The following AXDND1 variants were observed in gnomAD, a reference collection of about 807,000 sequenced individuals.
AXDND1 encodes axonemal dynein light chain domain-containing protein 1.
Under a neutral mutation model 137.5 loss-of-function variants are expected in AXDND1, and 110 were observed. The observed-to-expected ratio is 0.80, with a 90% CI of 0.69 to 0.94. AXDND1 has a LOEUF of 0.94. AXDND1 is among the 40% of genes least tolerant of loss of function. The pLI is 0.00. For synonymous variants in AXDND1, 414 were observed against 399.7 expected (o/e 1.04, Z -0.43); for missense variants, 1,191 against 1,169.8 (o/e 1.02, Z -0.26).
At chr1:179,368,205 G>A (rs1290562490) in intron 2 of AXDND1, among the ~76,000 whole-genome samples, 2 of 152,040 alleles carry the variant, frequency 1.3e-5, no homozygotes, top group African/African-American at 4.8e-5. Context: ...TTACTCCCCT[G>A]CCCTAGTCAA....
At position 179,421,080 on chromosome 1, in the gene AXDND1, CCTTCCTTCCTTCCTTT is replaced by C. The variant is rs1655630596; in HGVS notation, c.1231-8429_1231-8414del. Reference sequence around the variant, plus strand: ...TCCTTCCTTCCTTCCTTCCTTCCTTCCTTCCTTCCTTCCTTTCTTCCTTCTTTGTCAAAGATGGTTG... The same window carrying C: ...TCCTTCCTTCCTTCCTTCCTTCCTTCCTTCCTTCTTTGTCAAAGATGGTTG... On this transcript the variant is annotated intron_variant, in intron 12 of 25. Transcript: ENST00000367618. Among the ~76,000 whole-genome samples, 3 of 120,490 alleles carry C rather than the reference CCTTCCTTCCTTCCTTT, an allele frequency of 2.5e-5. No individual in the cohort carries two copies. In the South Asian group the frequency reaches 9.1e-4, roughly 37 times the overall value. The allele number at this position is 120,490 out of a possible 152,430, so 79.0% of individuals were successfully genotyped here.
chr1:179,457,140 C>T (rs1369976455), intron 16 of AXDND1: 3 of 900,800 alleles, frequency 3.3e-6, no homozygotes, highest in Admixed American at 1.7e-5. Context: ...TCCACCTTCT[C>T]CGCAGTGGCA....
chr1:179,404,545 T>A (rs55637213), intron 11 of AXDND1, among the ~76,000 whole-genome samples: 16,082 of 152,094 alleles, frequency 0.11, 970 homozygotes, highest in African/African-American at 0.14. Context: ...TTGTCACAAA[T>A]CTCCAAAAAA....
At chr1:179,500,103 A>G (rs1340293718) in intron 20 of AXDND1, among the ~76,000 whole-genome samples, 3 of 152,136 alleles carry the variant, frequency 2.0e-5, no homozygotes, top group Admixed American at 6.6e-5. Flanking sequence ...GGGAAATTAT[A>G]GACCAGTCTC....
chr1:179,486,074 G>A (rs942213362), intron 18 of AXDND1, among the ~76,000 whole-genome samples: 14 of 135,946 alleles, frequency 1.0e-4, no homozygotes, highest in Non-Finnish European at 2.0e-4. Context: ...AGCCAAGATC[G>A]TGCCATTGCA....
chr1:179,372,228 C>T (rs1175993931), intron 4 of AXDND1, among the ~76,000 whole-genome samples: 2 of 152,080 alleles, frequency 1.3e-5, no homozygotes, highest in Admixed American at 6.6e-5. Flanking sequence ...TAATATTTTT[C>T]GACAACTCTT....
At chr1:179,418,613 G>C (rs1292880614) in intron 12 of AXDND1, among the ~76,000 whole-genome samples, 4 of 151,226 alleles carry the variant, frequency 2.6e-5, no homozygotes, top group Non-Finnish European at 5.9e-5. Context: ...CTGGCCGGGC[G>C]GGGGGCTGAC....
chr1:179,533,772 A>G (rs775648694), intron 23 of AXDND1, 23 bp from the exon 24 acceptor site: 1 of 1,554,688 alleles, frequency 6.4e-7, no homozygotes, highest in Non-Finnish European at 8.9e-7. Flanking sequence ...CAGTTCATTC[A>G]TATCTCATAT....
At chr1:179,533,672 TTAGA>T (rs1671244686) in intron 23 of AXDND1, 119 bp from the exon 24 acceptor site, 8 of 615,748 alleles carry the variant, frequency 1.3e-5, no homozygotes, top group Non-Finnish European at 2.2e-5. Context: ...TAACCATCTA[TTAGA>T]TAGATATGGG....
At chr1:179,474,635 A>G (rs1664383955) in intron 17 of AXDND1, among the ~76,000 whole-genome samples, 1 of 152,180 alleles carries the variant, frequency 6.6e-6, no homozygotes, top group African/African-American at 2.4e-5. Flanking sequence ...GAGATGATTT[A>G]GGGTATCTGG....
chr1:179,526,268 A>T (rs58417106), intron 22 of AXDND1, among the ~76,000 whole-genome samples: 1 of 152,102 alleles, frequency 6.6e-6, no homozygotes, highest in South Asian at 2.1e-4. Flanking sequence ...TGTAATAATA[A>T]TAATAATACG....
chr1:179,430,343 C>A (rs1165064982), intron 13 of AXDND1, 109 bp from the exon 14 acceptor site: 2 of 840,358 alleles, frequency 2.4e-6, no homozygotes, highest in Non-Finnish European at 3.5e-6. Context: ...AATCAATTTT[C>A]TATGAATTTC....
chr1:179,478,485 C>T (rs115999470), intron 17 of AXDND1, among the ~76,000 whole-genome samples: 3,698 of 152,280 alleles, frequency 0.024, 163 homozygotes, highest in African/African-American at 0.084. Context: ...GAAGCCATGG[C>T]CCCAGCTGTA....
At chr1:179,508,438 C>T (rs199774212) in intron 20 of AXDND1, among the ~76,000 whole-genome samples, 7 of 152,106 alleles carry the variant, frequency 4.6e-5, no homozygotes, top group African/African-American at 1.4e-4. Context: ...CACATGCTGC[C>T]GTTTTTTGGC....
chr1:179,550,557 A>G (rs1673107553), intron 25 of AXDND1: 1 of 152,450 alleles, frequency 6.6e-6, no homozygotes, highest in African/African-American at 2.4e-5. Flanking sequence ...AAATGCTTTA[A>G]TTAGGGATAA....
At position 179,488,014 on chromosome 1, in the gene AXDND1, A is replaced by AAAAAAAG. The variant is rs1320560418; in HGVS notation, c.2092-3523_2092-3522insAAAAAGA. On this transcript the variant is annotated intron_variant, in intron 18 of 25. Coordinates refer to ENST00000367618, the MANE Select transcript of AXDND1 (RefSeq NM_144696.6). ...ATGTCTCAAAAAAAAAAAAAAAAAA[A>AAAAAAAG]AGAGAAATTTCAATTCCGTCAATCA... Among the ~76,000 whole-genome samples, 91 of 130,252 alleles carry AAAAAAAG rather than the reference A, an allele frequency of 7.0e-4. 4 individuals carry two copies. Among genetic ancestry groups the AAAAAAAG allele is most frequent in the Middle Eastern group, 7.6e-3 (2 of 264 alleles). 85.5% of individuals were successfully genotyped at this position (130,252 alleles called of 152,430 possible).
rs199582052 is a variant in AXDND1, at chr1:179,383,505, G to T, written c.702G>T (p.Arg234Ser). 18 of 1,613,996 alleles carry T rather than the reference G, an allele frequency of 1.1e-5. No individual in the cohort carries two copies. Among genetic ancestry groups the T allele is most frequent in the Middle Eastern group, 3.3e-4 (2 of 6,060 alleles). ...LNDVMDTMLE[R>S]AGVENQEYTG... ...ATGTGATGGATACTATGCTAGAGAG[G>T]GCTGGTGTGGAAAATCAGGAATATA... The change falls in exon 8 of 26, where the codon AGG becomes AGT. Residue 234 changes from arginine to serine, a missense_variant. Coordinates refer to ENST00000367618, the MANE Select transcript of AXDND1 (RefSeq NM_144696.6).
At chr1:179,445,957 C>T (rs180781733) in intron 16 of AXDND1, among the ~76,000 whole-genome samples, 1 of 152,240 alleles carries the variant, frequency 6.6e-6, no homozygotes, top group East Asian at 1.9e-4. Flanking sequence ...TTTATATTCC[C>T]ACCAGCAGTG....
At chr1:179,398,393 G>A (rs1483959085) in intron 11 of AXDND1, among the ~76,000 whole-genome samples, 7 of 152,150 alleles carry the variant, frequency 4.6e-5, no homozygotes, top group Admixed American at 4.6e-4. Flanking sequence ...TGGACCACTG[G>A]TCACTACACT....
Sources: allele counts gnomAD v4.1 joint callset (sites outside exome capture counted in the v4.1 genomes callset), GRCh38; gene constraint gnomAD v4.1.1; transcripts MANE v1.5; gene names NCBI Gene and HGNC (gene_info 2026-07-23, HGNC 2026-07-21).